Variants in LIX1 observed in about 807,000 individuals in gnomAD.
LIX1 encodes protein limb expression 1 homolog.
In LIX1, 24 loss-of-function variants were observed where a neutral mutation model predicts 33.4. The ratio of observed to expected loss-of-function variants is 0.72; its 90% CI spans 0.52 to 1.01. The LOEUF is 1.01. Ranked by LOEUF, LIX1 falls within the 50% of genes least tolerant of loss-of-function variation. The pLI, the probability that LIX1 is intolerant of heterozygous loss-of-function variation, is 0.00. For synonymous variants in LIX1, 124 were observed against 124.0 expected, an observed-to-expected ratio of 1.00 and a Z score of 0.00; for missense variants, 311 against 339.2, an observed-to-expected ratio of 0.92 and a Z score of 0.65.
At position 97,094,795 on chromosome 5, in the gene LIX1, G is replaced by T; in HGVS notation, c.802C>A (p.Pro268Thr). The T allele has an allele frequency of 1.2e-6, 2 of 1,614,178 alleles. No individual in the cohort carries two copies. Residue 268 changes from proline (P) to threonine (T), a missense_variant, in exon 6 of 6, where the codon CCC (proline) becomes ACC (threonine). Transcript: ENST00000274382. Reference sequence around the variant, plus strand: ...GTAAGGCTCAGCTGATCATCACTGGGTGAGGAAGTGTCAGGGTCACTGCAG... The same window carrying T: ...GTAAGGCTCAGCTGATCATCACTGGTTGAGGAAGTGTCAGGGTCACTGCAG... ...QICSDPDTSS[P>T]SDDQLSLTAL... is the part of the protein sequence containing the mutation.
In LIX1 at chr5:97,094,701, T is replaced by G. The variant is rs757737017; in HGVS notation, c.*47A>C. On this transcript the variant is annotated 3_prime_UTR_variant, in exon 6 of 6. Transcript: ENST00000274382. ...GACCTCTGCACTGAGATTCCTAATG[T>G]TAATCTGGCCTCTGCCATCACTGAG... The G allele has an allele frequency of 6.3e-7, 1 of 1,577,936 alleles. No homozygotes were observed.
intron 1 of LIX1, among the ~76,000 whole-genome samples, chr5:97,135,055 C>T (rs770727579): frequency 6.6e-6 from 1 of 152,158 alleles, no homozygotes; most frequent in Non-Finnish European, 1.5e-5. Context: ...CATTCCCACT[C>T]CTTACCCCAA....
At position 97,126,086 on chromosome 5, in the gene LIX1, A is replaced by G. The variant is rs1489314027; in HGVS notation, c.83-1457T>C. 2.0e-5 allele frequency among the ~76,000 whole-genome samples: 3 copies of G among 152,164 alleles called. 1 individual carries two copies. Among genetic ancestry groups the G allele is most frequent in the Admixed American group, 2.0e-4 (3 of 15,278 alleles). On this transcript the variant is annotated intron_variant, in intron 1 of 5. Transcript: ENST00000274382. ...AACCCACCTGCTTTTTCCTTAAGCC[A>G]TTTTCAGGTGGCATCTCTCACATGC...
At chr5:97,136,420 C>A (rs1230873130) in intron 1 of LIX1, among the ~76,000 whole-genome samples, 1 of 152,170 alleles carries the variant, frequency 6.6e-6, no homozygotes, top group Non-Finnish European at 1.5e-5. Context: ...GAATCTTACC[C>A]CCTTCATGCG....
Position 97,094,598 on chromosome 5 carries a change from C to G in LIX1, c.*150G>C. 1 of 693,966 alleles carries G rather than the reference C, an allele frequency of 1.4e-6. No homozygotes were observed. Among genetic ancestry groups the G allele is most frequent in the Non-Finnish European group, 2.4e-6 (1 of 418,908 alleles). 43.0% of individuals were successfully genotyped at this position (693,966 alleles called of 1,614,324 possible). A position where few individuals can be genotyped will look rare whatever the true frequency, so the allele number is the denominator to read the frequency against. Reference sequence around the variant, plus strand: ...TGGGTCTTGTAAGGGTCCTACGACTCTCATACTCTGTAAATGGAATGTGTG... The same window carrying G: ...TGGGTCTTGTAAGGGTCCTACGACTGTCATACTCTGTAAATGGAATGTGTG... On this transcript the variant is annotated 3_prime_UTR_variant, in exon 6 of 6. Transcript: ENST00000274382.
At chr5:97,106,614 G>A (rs1747044941) in intron 3 of LIX1, among the ~76,000 whole-genome samples, 1 of 152,150 alleles carries the variant, frequency 6.6e-6, no homozygotes, top group African/African-American at 2.4e-5. Context: ...TGCCACAGGT[G>A]GGGACTGAAG....
chr5:97,128,297 T>C (rs1747977359), intron 1 of LIX1, among the ~76,000 whole-genome samples: 2 of 152,246 alleles, frequency 1.3e-5, no homozygotes, highest in African/African-American at 4.8e-5. Context: ...CTGTGTTTGA[T>C]AAAGCTGATA....
intron 5 of LIX1, among the ~76,000 whole-genome samples, chr5:97,095,549 A>G (rs1166041412): frequency 6.6e-6 from 1 of 152,190 alleles, no homozygotes; most frequent in East Asian, 1.9e-4. Context: ...CAACTGTGGT[A>G]TTAGCACAAG....
intron 1 of LIX1, among the ~76,000 whole-genome samples, chr5:97,136,707 G>C (rs1020951481): frequency 1.3e-5 from 2 of 151,994 alleles, no homozygotes; most frequent in Middle Eastern, 3.4e-3. Flanking sequence ...AACGGGATGA[G>C]ATCAAAATAG....
intron 5 of LIX1, among the ~76,000 whole-genome samples, chr5:97,095,441 G>A (rs529926432): frequency 5.9e-5 from 9 of 152,338 alleles, no homozygotes; most frequent in South Asian, 4.1e-4. Context: ...GCACTACAGA[G>A]GGTCTTGGGC....
At chr5:97,142,388 C>A in intron 1 of LIX1, 107 bp downstream of exon 1, 1 of 736,568 alleles carries the variant, frequency 1.4e-6, no homozygotes, top group Middle Eastern at 2.9e-4. Flanking sequence ...TAGAACACAG[C>A]ATACGACTGC....
At chr5:97,105,116 A>T in intron 4 of LIX1, 74 bp downstream of exon 4, 1 of 1,269,904 alleles carries the variant, frequency 7.9e-7, no homozygotes, top group Non-Finnish European at 1.2e-6. Flanking sequence ...GGGAGATGTT[A>T]GTGATAAATG....
chr5:97,122,743 C>T (rs1747815065), intron 2 of LIX1, among the ~76,000 whole-genome samples: 2 of 152,138 alleles, frequency 1.3e-5, no homozygotes, highest in Admixed American at 1.3e-4. Flanking sequence ...TCTCCAACTC[C>T]CCGCTGGACA....
chr5:97,103,548 T>C (rs962740936), intron 4 of LIX1, among the ~76,000 whole-genome samples: 2 of 151,994 alleles, frequency 1.3e-5, no homozygotes, highest in African/African-American at 4.8e-5. Flanking sequence ...CGCTGCAGAG[T>C]CTGGGTCAGA....
chr5:97,111,186 C>T (rs1747370615), intron 2 of LIX1, among the ~76,000 whole-genome samples: 1 of 152,166 alleles, frequency 6.6e-6, no homozygotes, highest in African/African-American at 2.4e-5. Flanking sequence ...GAGCCTATGA[C>T]TTAGTTGTCT....
intron 2 of LIX1, 103 bp from the exon 3 acceptor site, chr5:97,107,603 G>T: frequency 7.9e-7 from 1 of 1,258,602 alleles, no homozygotes; most frequent in Non-Finnish European, 1.1e-6. Flanking sequence ...TACATTTACT[G>T]TCCGCATCTA....
chr5:97,094,862 G>A lies in LIX1; in HGVS notation c.735C>T (p.Tyr245=), dbSNP rs1746266850. Residue 245 remains tyrosine, a synonymous_variant, in exon 6 of 6, where the codon TAC becomes TAT. Coordinates refer to ENST00000274382, the MANE Select transcript of LIX1 (RefSeq NM_153234.5). The part of the protein sequence containing the change: ...ARKAGQELRF[Y]KEKKEILSLA... ...AGCTCAATATTTCTTTCTTTTCTTT[G>A]TAAAACCGTAGTTCTTGTCCTGCTT... 6.2e-7 allele frequency: 1 copy of A among 1,614,146 alleles called. No individual in the cohort carries two copies. Among genetic ancestry groups the A allele is most frequent in the South Asian group, 1.1e-5 (1 of 91,086 alleles).
chr5:97,130,759 G>A (rs1351807813), intron 1 of LIX1, among the ~76,000 whole-genome samples: 2 of 152,158 alleles, frequency 1.3e-5, no homozygotes, highest in African/African-American at 4.8e-5. Context: ...GTTCCTTTTT[G>A]TGATTTCTAT....
intron 2 of LIX1, among the ~76,000 whole-genome samples, chr5:97,113,108 A>C (rs1397537489): frequency 3.3e-5 from 5 of 152,208 alleles, no homozygotes; most frequent in Admixed American, 3.3e-4. Context: ...GGGGAAAGTC[A>C]CTGCCATGTT....
Sources: allele counts gnomAD v4.1 joint callset (sites outside exome capture counted in the v4.1 genomes callset), GRCh38; gene constraint gnomAD v4.1.1; transcripts MANE v1.5; gene names NCBI Gene and HGNC (gene_info 2026-07-23, HGNC 2026-07-21).